PDE1A: variants seen among roughly 807,000 people sequenced by gnomAD.
The protein encoded by PDE1A is dual specificity calcium/calmodulin-dependent 3',5'-cyclic nucleotide phosphodiesterase 1A.
A neutral mutation model predicts 61.7 loss-of-function variants in PDE1A; 35 were observed. The ratio of observed to expected loss-of-function variants is 0.57; its 90% CI spans 0.43 to 0.75. The LOEUF (loss-of-function observed/expected upper bound fraction) is 0.75. Among genes scored for constraint, PDE1A ranks in the 30% least tolerant of loss-of-function variants. PDE1A has a pLI of 0.00. For missense variants in PDE1A, 597 were observed against 630.6 expected (o/e 0.95, Z 0.57); for synonymous variants, 232 against 213.2 (o/e 1.09, Z -0.77).
the PDE1A span, among the ~76,000 whole-genome samples, chr2:182,562,586 G>T: frequency 6.6e-6 from 1 of 152,116 alleles, no homozygotes; most frequent in South Asian, 2.1e-4. Flanking sequence ...AGTTAGCGAG[G>T]ATTCCCTCTT....
At position 182,383,235 on chromosome 2, in the gene PDE1A, C is replaced by T. The variant is rs140135328; in HGVS notation, c.53+43343G>A. On this transcript the variant is annotated intron_variant, in intron 1 of 13. Transcript: ENST00000351439. ...CTTCAAGACATATTTAAAGTCCTTC[C>T]TGAAGTTCTTGCAACCTTCTCTTGC... Among the ~76,000 whole-genome samples the T allele has an allele frequency of 1.5e-3, 226 of 152,292 alleles. 1 individual carries two copies. Among genetic ancestry groups the T allele is most frequent in the African/African-American group, 5.1e-3 (214 of 41,568 alleles).
At chr2:182,429,550 A>G (rs901669140), upstream of PDE1A, among the ~76,000 whole-genome samples, 1 of 151,926 alleles carries the variant, frequency 6.6e-6, no homozygotes. Flanking sequence ...TCACACACAT[A>G]CCCTACCCGA....
chr2:182,546,445 G>A, the PDE1A span, among the ~76,000 whole-genome samples: 1 of 152,078 alleles, frequency 6.6e-6, no homozygotes, highest in Non-Finnish European at 1.5e-5. Context: ...GACTAAGATG[G>A]ATACCCCCTA....
the PDE1A span, among the ~76,000 whole-genome samples, chr2:182,578,108 T>C: frequency 6.6e-6 from 1 of 152,228 alleles, no homozygotes; most frequent in African/African-American, 2.4e-5. Context: ...TTCTGAACCA[T>C]GAGCTTTGGT....
intron 1 of PDE1A, among the ~76,000 whole-genome samples, chr2:182,341,243 T>C (rs943853821): frequency 8.5e-5 from 13 of 152,206 alleles, no homozygotes; most frequent in Admixed American, 7.2e-4. Context: ...TTTGGGATCC[T>C]ATCTAAATTA....
At chr2:182,193,815 AG>A (rs1217911144) in intron 10 of PDE1A, among the ~76,000 whole-genome samples, 1 of 152,112 alleles carries the variant, frequency 6.6e-6, no homozygotes, top group Non-Finnish European at 1.5e-5. Flanking sequence ...TGAAACTAAA[AG>A]CTTTACTTTT....
At chr2:182,157,879 A>C (rs1300949092) in intron 13 of PDE1A, among the ~76,000 whole-genome samples, 1 of 152,200 alleles carries the variant, frequency 6.6e-6, no homozygotes, top group East Asian at 1.9e-4. Context: ...AATCTTTAAG[A>C]GGCTTTAGAG....
intron 2 of PDE1A, among the ~76,000 whole-genome samples, chr2:182,464,356 A>G (rs1292587491): frequency 6.6e-6 from 1 of 152,102 alleles, no homozygotes; most frequent in Non-Finnish European, 1.5e-5. Flanking sequence ...CAAAAACAGC[A>G]GCGATGAGTG....
the PDE1A span, among the ~76,000 whole-genome samples, chr2:182,636,754 C>T: frequency 6.6e-6 from 1 of 152,134 alleles, no homozygotes; most frequent in Admixed American, 6.5e-5. Flanking sequence ...ACAGGATGCC[C>T]GATGAGGCTG....
At chr2:182,537,445 C>G in the PDE1A span, among the ~76,000 whole-genome samples, 1 of 151,876 alleles carries the variant, frequency 6.6e-6, no homozygotes, top group African/African-American at 2.4e-5. Flanking sequence ...GGGAGTTGAA[C>G]AATGAGAACA....
chr2:182,409,041 A>G (rs111814117), intron 1 of PDE1A, among the ~76,000 whole-genome samples: 1 of 152,284 alleles, frequency 6.6e-6, no homozygotes, highest in African/African-American at 2.4e-5. Context: ...CAGCTTCATT[A>G]TTGGTCACTT....
chr2:182,576,645 G>C, the PDE1A span, among the ~76,000 whole-genome samples: 18 of 152,268 alleles, frequency 1.2e-4, no homozygotes, highest in East Asian at 1.7e-3. Flanking sequence ...CCACCATACT[G>C]TTTTCCACAG....
Position 182,385,846 on chromosome 2 carries a change from C to G in PDE1A, c.53+40732G>C, listed in dbSNP as rs369156204. 8.5e-5 allele frequency among the ~76,000 whole-genome samples: 12 copies of G among 141,234 alleles called. No homozygotes were observed. In the East Asian group the frequency reaches 2.5e-3, roughly 29 times the overall value. 92.7% of individuals were successfully genotyped at this position (141,234 alleles called of 152,430 possible). A position where few individuals can be genotyped will look rare whatever the true frequency, so the allele number is the denominator to read the frequency against. On this transcript the variant is annotated intron_variant, in intron 1 of 13. Coordinates refer to ENST00000351439, the Ensembl canonical transcript of PDE1A. ...CCTCCTCTCCCTCTCCCTCCTCTCC[C>G]TCTCCCTCCTCTCCCTCTCCCTCTC...
At chr2:182,703,940 C>A in the PDE1A span, among the ~76,000 whole-genome samples, 1 of 152,022 alleles carries the variant, frequency 6.6e-6, no homozygotes, top group African/African-American at 2.4e-5. Context: ...ATGGCTCACA[C>A]CTGTAATCCC....
chr2:182,585,973 T>C, the PDE1A span, among the ~76,000 whole-genome samples: 4 of 152,178 alleles, frequency 2.6e-5, no homozygotes, highest in African/African-American at 9.7e-5. Context: ...TGCTTGACCA[T>C]GTGTAAACTG....
chr2:182,550,832 T>A, the PDE1A span, among the ~76,000 whole-genome samples: 1 of 152,096 alleles, frequency 6.6e-6, no homozygotes, highest in Non-Finnish European at 1.5e-5. Flanking sequence ...TCCTGTTGGA[T>A]CTTCTGTGTC....
intron 13 of PDE1A, 98 bp from the exon 14 acceptor site, chr2:182,147,250 G>T: frequency 1.6e-6 from 1 of 612,852 alleles, no homozygotes; most frequent in Non-Finnish European, 2.7e-6. Flanking sequence ...AAATGTTGAA[G>T]ACTGAATTTT....
chr2:182,318,479 A>G (rs1158651038), intron 1 of PDE1A, among the ~76,000 whole-genome samples: 1 of 152,178 alleles, frequency 6.6e-6, no homozygotes, highest in South Asian at 2.1e-4. Flanking sequence ...TGTTATACAC[A>G]TAAGTCCATA....
At chr2:182,234,290 T>C (rs1313395570) in intron 4 of PDE1A, 142 bp downstream of exon 4, 1 of 591,742 alleles carries the variant, frequency 1.7e-6, no homozygotes, top group Non-Finnish European at 3.0e-6. Context: ...AGTTCATTTT[T>C]TAAATTGTTA....
Sources: allele counts gnomAD v4.1 joint callset (sites outside exome capture counted in the v4.1 genomes callset), GRCh38; gene constraint gnomAD v4.1.1; transcripts MANE v1.5; gene names NCBI Gene and HGNC (gene_info 2026-07-23, HGNC 2026-07-21).